RREB1: variants seen among roughly 807,000 people sequenced by gnomAD.
RREB1 encodes ras responsive element binding protein 1, also known as ras-responsive element-binding protein 1.
In RREB1, 27 loss-of-function variants were observed where a neutral mutation model predicts 117.8. That is an observed-to-expected ratio of 0.23 (90% confidence interval 0.17 to 0.32). The LOEUF (loss-of-function observed/expected upper bound fraction) is 0.32. Ranked by LOEUF, RREB1 falls within the 10% of genes least tolerant of loss-of-function variation. The probability of loss-of-function intolerance (pLI) is 1.00; values close to 1 mark genes in which losing one functional copy is unlikely to be tolerated. For synonymous variants in RREB1, 1,298 were observed against 1,026.7 expected (o/e 1.26, Z -5.05); for missense variants, 2,577 against 2,378.2 (o/e 1.08, Z -1.74).
chr6:7,231,492 T>A lies in RREB1; in HGVS notation c.3393T>A (p.Ala1131=). 1.2e-6 allele frequency: 2 copies of A among 1,610,228 alleles called. No homozygotes were observed. The highest frequency in any genetic ancestry group is 1.7e-6 in the Non-Finnish European group (2 of 1,178,774). The change falls in exon 10 of 13, where the codon GCT becomes GCA. Residue 1131 remains alanine, a synonymous_variant. Transcript: ENST00000379938. ...TSPKESSEPP[A]PASSPEAASP... is the part of the protein sequence containing the mutation. ...CAAAAGAGTCTAGTGAGCCTCCCGCTCCAGCCAGCAGCCCAGAGGCTGCCT... is the reference window on the plus strand; with the variant it reads ...CAAAAGAGTCTAGTGAGCCTCCCGCACCAGCCAGCAGCCCAGAGGCTGCCT...
rs1296636646 is a variant in RREB1 at position 7,246,745 on chromosome 6, G to C, written c.4295G>C (p.Gly1432Ala). Reference protein sequence around the residue: ...TKLMDFKLAEGDGEAGAGGAA... With the variant: ...TKLMDFKLAEADGEAGAGGAA... ...CTCATGGACTTCAAGCTGGCGGAGG[G>C]CGACGGCGAGGCAGGCGCCGGGGGC... Residue 1432 changes from glycine (G) to alanine (A), a missense_variant, in exon 12 of 13, where the codon GGC becomes GCC. Gly to Ala is a moderately conservative substitution (Grantham distance 60). Coordinates refer to ENST00000379938, the MANE Select transcript of RREB1 (RefSeq NM_001003699.4). The C allele has an allele frequency of 6.4e-7, 1 of 1,572,710 alleles. No homozygotes were observed. The highest frequency in any genetic ancestry group is 8.6e-7 in the Non-Finnish European group (1 of 1,159,700).
At chr6:7,226,321 G>A in intron 8 of RREB1, 146 bp from the exon 9 acceptor site, 1 of 609,036 alleles carries the variant, frequency 1.6e-6, no homozygotes, top group Non-Finnish European at 2.8e-6. Flanking sequence ...CATGCAGCCT[G>A]GCTTCTTGAC....
rs752334736 is a variant in RREB1 at position 7,187,546 on chromosome 6, T to C, written c.261+23T>C. The C allele has an allele frequency of 7.3e-6, 4 of 549,738 alleles. No individual in the cohort carries two copies. The African/African-American group carries it at 1.4e-4, about 19-fold the overall frequency. 34.1% of individuals were successfully genotyped at this position (549,738 alleles called of 1,614,324 possible). A position where few individuals can be genotyped will look rare whatever the true frequency, so the allele number is the denominator to read the frequency against. On this transcript the variant is annotated intron_variant, in intron 5 of 12. Transcript: ENST00000379938. Reference sequence around the variant, plus strand: ...CAGGTAGATTCCCACTGTTCTTTTATTTTATTTTATTTTATTTTATTTTAT... The same window carrying C: ...CAGGTAGATTCCCACTGTTCTTTTACTTTATTTTATTTTATTTTATTTTAT...
chr6:7,237,036 C>T (rs918664887), intron 10 of RREB1, among the ~76,000 whole-genome samples: 2 of 151,834 alleles, frequency 1.3e-5, no homozygotes, highest in African/African-American at 4.8e-5. Context: ...GATCCTCCTG[C>T]CTCAGCTTCC....
In RREB1 at chr6:7,230,139, C is replaced by A; in HGVS notation, c.2040C>A (p.Ala680=). The A allele has an allele frequency of 6.2e-7, 1 of 1,604,958 alleles. No homozygotes were observed. The highest frequency in any genetic ancestry group is 1.1e-5 in the South Asian group (1 of 90,916). The change falls in exon 10 of 13, where the codon GCC becomes GCA. Residue 680 remains alanine, a synonymous_variant. Transcript: ENST00000379938. ...PYQCNICDYI[A]ADKAALIRHL... is the part of the protein sequence containing the mutation. ...AGTGCAACATCTGCGACTACATCGC[C>A]GCCGACAAGGCCGCGCTCATCCGCC...
intron 5 of RREB1, among the ~76,000 whole-genome samples, chr6:7,188,341 C>T (rs1350438119): frequency 6.6e-6 from 1 of 151,986 alleles, no homozygotes; most frequent in Non-Finnish European, 1.5e-5. Context: ...ACCTCTGCCT[C>T]CTGAGTTCAC....
chr6:7,246,638 T>G lies in RREB1; in HGVS notation c.4188T>G (p.Thr1396=). The G allele has an allele frequency of 6.4e-7, 1 of 1,573,382 alleles. No individual in the cohort carries two copies. The highest frequency in any genetic ancestry group is 8.6e-7 in the Non-Finnish European group (1 of 1,159,618). ...ESHEPEEEHG[T]EESTGDADGA... The stretch of plus-strand genomic sequence containing the variant: ...ATGAGCCGGAGGAGGAGCATGGCAC[T>G]GAGGAGAGCACTGGGGACGCCGACG... Residue 1396 remains threonine, a synonymous_variant, in exon 12 of 13, where the codon ACT becomes ACG. Transcript: ENST00000379938.
In RREB1 at chr6:7,187,426, CT is replaced by C; in HGVS notation, c.172-3del. On this transcript the variant is annotated splice_polypyrimidine_tract_variant and splice_region_variant and intron_variant, in intron 4 of 12. Transcript: ENST00000379938. ...AAATTTATCTTCCCTTTTAATCTTT[CT>C]TTTTAGGAAACGAAAGAGGAGAAGT... The C allele has an allele frequency of 6.4e-7, 1 of 1,572,308 alleles. No individual in the cohort carries two copies. Among genetic ancestry groups the C allele is most frequent in the Non-Finnish European group, 8.7e-7 (1 of 1,144,680 alleles).
In RREB1 at chr6:7,229,807, C is replaced by G; in HGVS notation, c.1708C>G (p.Gln570Glu). Residue 570 changes from glutamine (Q) to glutamate (E), a missense_variant, in exon 10 of 13, where the codon CAG (glutamine) becomes GAG (glutamate). By Grantham distance (29) the Gln-to-Glu change is conservative (BLOSUM62 2). Coordinates refer to ENST00000379938, the MANE Select transcript of RREB1 (RefSeq NM_001003699.4). The surrounding 1 kb of genome is among the most constrained non-coding windows in gnomAD (Gnocchi z 4.5). The stretch of plus-strand genomic sequence containing the variant: ...CCTGCTGCAGTCCAAGTCCGGGACC[C>G]AGCCCCACGCGGCCACGCGGCTCTC... The part of the protein sequence containing the change: ...AHLLQSKSGT[Q>E]PHAATRLSLQ... The G allele has an allele frequency of 6.2e-7, 1 of 1,610,676 alleles. No homozygotes were observed. The highest frequency in any genetic ancestry group is 8.5e-7 in the Non-Finnish European group (1 of 1,178,652).
chr6:7,196,215 T>G (rs1342989221), intron 6 of RREB1, among the ~76,000 whole-genome samples: 2 of 140,936 alleles, frequency 1.4e-5, no homozygotes, highest in African/African-American at 2.7e-5. Context: ...GGTTTTTTTT[T>G]TCGTTTTTTT....
chr6:7,246,295 CGAAA>C lies in RREB1; in HGVS notation c.3974-125_3974-122del, dbSNP rs1295852401. The C allele has an allele frequency of 2.2e-5, 17 of 759,490 alleles. No homozygotes were observed. The East Asian group carries it at 4.9e-4, about 22-fold the overall frequency. The allele number at this position is 759,490 out of a possible 1,614,324, so 47.0% of individuals were successfully genotyped here. On this transcript the variant is annotated intron_variant, in intron 11 of 12. Transcript: ENST00000379938. ...TGTAACAGGTGGTGAGGATTTGGGC[CGAAA>C]GAAGTCCTCACTGGTTTGGGGTTCA... is the stretch of plus-strand genomic sequence containing the variant.
At chr6:7,177,186 T>C (rs560657590) in intron 2 of RREB1, among the ~76,000 whole-genome samples, 1 of 123,056 alleles carries the variant, frequency 8.1e-6, no homozygotes, top group South Asian at 2.4e-4. Flanking sequence ...GCCACTGCAC[T>C]ACAGTGTGGG....
intron 10 of RREB1, among the ~76,000 whole-genome samples, chr6:7,237,382 G>A (rs1419372846): frequency 6.6e-6 from 1 of 151,224 alleles, no homozygotes; most frequent in African/African-American, 2.4e-5. Context: ...CCTCCGTGCC[G>A]GCCTTTTTTT....
chr6:7,146,312 C>T (rs1181206550), intron 1 of RREB1, among the ~76,000 whole-genome samples: 1 of 152,026 alleles, frequency 6.6e-6, no homozygotes, highest in African/African-American at 2.4e-5. Flanking sequence ...CAGCAGCATT[C>T]TTGAATGTGC....
chr6:7,238,770 C>T (rs1252860797), intron 10 of RREB1, among the ~76,000 whole-genome samples: 2 of 152,146 alleles, frequency 1.3e-5, no homozygotes, highest in Non-Finnish European at 1.5e-5. Context: ...CTGCCCTTTC[C>T]GGGTTTCTAA....
chr6:7,118,399 G>C (rs1413980514), intron 1 of RREB1, among the ~76,000 whole-genome samples: 1 of 152,176 alleles, frequency 6.6e-6, no homozygotes, highest in Non-Finnish European at 1.5e-5. Context: ...GGGATTACAG[G>C]TGTGAGCCAC....
chr6:7,234,577 T>C (rs1768200846), intron 10 of RREB1, among the ~76,000 whole-genome samples: 1 of 152,256 alleles, frequency 6.6e-6, no homozygotes, highest in African/African-American at 2.4e-5. Context: ...GAGGTTTGTT[T>C]AAGTTAGGAT....
chr6:7,117,688 C>T (rs1262741853), intron 1 of RREB1, among the ~76,000 whole-genome samples: 1 of 151,984 alleles, frequency 6.6e-6, no homozygotes, highest in Non-Finnish European at 1.5e-5. Context: ...GGATTACAGG[C>T]ATGAGCCACC....
At chr6:7,144,262 A>G (rs1024308801) in intron 1 of RREB1, among the ~76,000 whole-genome samples, 3 of 152,234 alleles carry the variant, frequency 2.0e-5, no homozygotes, top group Non-Finnish European at 2.9e-5. Context: ...GGTTATAGAT[A>G]TGTTAGCTTG....
Sources: gnomAD v4.1 joint callset for allele counts (sites outside exome capture counted in the v4.1 genomes callset) on GRCh38, gnomAD v4.1.1 for gene constraint, Gnocchi (gnomAD v3.1) non-coding constraint, MANE v1.5 for transcripts, NCBI Gene and HGNC (gene_info 2026-07-23, HGNC 2026-07-21) for gene names.